KCNH8: variants seen among roughly 807,000 people sequenced by gnomAD.
KCNH8 encodes the protein voltage-gated delayed rectifier potassium channel KCNH8.
A neutral mutation model predicts 103.6 loss-of-function variants in KCNH8; 70 were observed. The ratio of observed to expected loss-of-function variants is 0.68; its 90% CI spans 0.56 to 0.82. The LOEUF (loss-of-function observed/expected upper bound fraction) is 0.82, where lower values mean the gene tolerates loss of function less well. KCNH8 is among the 40% of genes least tolerant of loss of function. The pLI is 0.00. For synonymous variants in KCNH8, 498 were observed against 489.4 expected, an observed-to-expected ratio of 1.02 and a Z score of -0.23; for missense variants, 1,217 against 1,329.9, an observed-to-expected ratio of 0.92 and a Z score of 1.32.
chr3:19,244,392 T>C (rs916858730), intron 1 of KCNH8, among the ~76,000 whole-genome samples: 1 of 152,214 alleles, frequency 6.6e-6, no homozygotes, highest in African/African-American at 2.4e-5. Context: ...TGCATAGCAC[T>C]GTGGTGAACA....
chr3:19,414,666 G>T (rs550394056), intron 7 of KCNH8, among the ~76,000 whole-genome samples: 12 of 152,024 alleles, frequency 7.9e-5, no homozygotes, highest in Non-Finnish European at 1.6e-4. Flanking sequence ...CAAAATAATT[G>T]ATTTATATCA....
chr3:19,363,022 C>G (rs2125110747), intron 5 of KCNH8, among the ~76,000 whole-genome samples: 1 of 152,220 alleles, frequency 6.6e-6, no homozygotes, highest in Non-Finnish European at 1.5e-5. Context: ...AATAATCCAG[C>G]TAATCTTGGG....
At chr3:19,496,939 G>A (rs914761699) in intron 11 of KCNH8, among the ~76,000 whole-genome samples, 2 of 152,072 alleles carry the variant, frequency 1.3e-5, no homozygotes, top group Admixed American at 1.3e-4. Flanking sequence ...ATGTGTCCAG[G>A]AATTTATCAG....
At chr3:19,202,163 C>T (rs1017887525) in intron 1 of KCNH8, among the ~76,000 whole-genome samples, 5 of 152,102 alleles carry the variant, frequency 3.3e-5, no homozygotes, top group South Asian at 2.1e-4. Context: ...GGAGGGTAAT[C>T]ATATGTCCTG....
intron 1 of KCNH8, among the ~76,000 whole-genome samples, chr3:19,166,895 C>A (rs2063290970): frequency 6.6e-6 from 1 of 152,158 alleles, no homozygotes; most frequent in South Asian, 2.1e-4. Flanking sequence ...CCCAAGGTGA[C>A]AAGGCCACTA....
intron 1 of KCNH8, among the ~76,000 whole-genome samples, chr3:19,230,797 G>C (rs2125237836): frequency 6.6e-6 from 1 of 152,290 alleles, no homozygotes; most frequent in African/African-American, 2.4e-5. Context: ...TCTTTCATAA[G>C]GTTCCATTCC....
chr3:19,156,057 C>T (rs1161492277), intron 1 of KCNH8, among the ~76,000 whole-genome samples: 1 of 152,118 alleles, frequency 6.6e-6, no homozygotes, highest in Non-Finnish European at 1.5e-5. Flanking sequence ...TTCACTATTG[C>T]ATGATTACCT....
In KCNH8 at chr3:19,354,939, T is replaced by C. The variant is rs186973112; in HGVS notation, c.811+6974T>C. On this transcript the variant is annotated intron_variant, in intron 5 of 15. Transcript: ENST00000328405. Reference sequence around the variant, plus strand: ...CAAAAGAAACTACCATCAGAGTGAATAGGCAACCTACAGAATGGGAGAAAG... The same window carrying C: ...CAAAAGAAACTACCATCAGAGTGAACAGGCAACCTACAGAATGGGAGAAAG... Among the ~76,000 whole-genome samples the C allele has an allele frequency of 8.8e-4, 134 of 152,144 alleles. No homozygotes were observed. In the East Asian group the frequency reaches 0.011, roughly 13 times the overall value.
intron 1 of KCNH8, among the ~76,000 whole-genome samples, chr3:19,246,285 T>G (rs980647226): frequency 4.2e-5 from 6 of 143,672 alleles, no homozygotes; most frequent in African/African-American, 1.0e-4. Flanking sequence ...TTTTTTTTTT[T>G]TTTTTTTTTT....
intron 3 of KCNH8, among the ~76,000 whole-genome samples, chr3:19,310,794 G>A (rs766323992): frequency 6.6e-6 from 1 of 151,704 alleles, no homozygotes; most frequent in Non-Finnish European, 1.5e-5. Flanking sequence ...AAATAAAACA[G>A]GAGATTATAA....
chr3:19,173,494 A>T (rs1209305052), intron 1 of KCNH8, among the ~76,000 whole-genome samples: 2 of 152,182 alleles, frequency 1.3e-5, no homozygotes, highest in African/African-American at 4.8e-5. Flanking sequence ...TTTTCTTTAT[A>T]ATTAAAATTT....
chr3:19,289,946 T>C (rs2064893980), intron 3 of KCNH8, among the ~76,000 whole-genome samples: 1 of 152,200 alleles, frequency 6.6e-6, no homozygotes, highest in African/African-American at 2.4e-5. Flanking sequence ...TAGTTCTCCT[T>C]GAAGAGGTCC....
At chr3:19,216,978 G>A (rs953426950) in intron 1 of KCNH8, among the ~76,000 whole-genome samples, 1 of 152,136 alleles carries the variant, frequency 6.6e-6, no homozygotes, top group Admixed American at 6.5e-5. Flanking sequence ...CATTTTAGCT[G>A]GTGTGAAGGT....
At chr3:19,341,883 C>T (rs1401775553) in intron 3 of KCNH8, among the ~76,000 whole-genome samples, 1 of 151,862 alleles carries the variant, frequency 6.6e-6, no homozygotes, top group Non-Finnish European at 1.5e-5. Context: ...ATATGTATAC[C>T]AAAATTTACA....
chr3:19,334,221 G>A lies in KCNH8; in HGVS notation c.443-8366G>A, dbSNP rs116108292. 6.2e-3 allele frequency among the ~76,000 whole-genome samples: 947 copies of A among 152,264 alleles called. 7 individuals are homozygous for A. The highest frequency in any genetic ancestry group is 0.021 in the African/African-American group (881 of 41,558). The stretch of plus-strand genomic sequence containing the variant: ...TGAGGCCTAAGAGGTGATGGTTCTG[G>A]ACAGGTACACTCGCAGCAGCTATAG... On this transcript the variant is annotated intron_variant, in intron 3 of 15. Transcript: ENST00000328405.
intron 5 of KCNH8, among the ~76,000 whole-genome samples, chr3:19,371,304 A>G (rs2125116291): frequency 6.6e-6 from 1 of 151,746 alleles, no homozygotes; most frequent in African/African-American, 2.4e-5. Context: ...TTGCCATTCT[A>G]ACTGGTGTGA....
chr3:19,273,925 C>A (rs2064626260), intron 2 of KCNH8, among the ~76,000 whole-genome samples: 1 of 152,052 alleles, frequency 6.6e-6, no homozygotes, highest in South Asian at 2.1e-4. Flanking sequence ...ACTCTTATTC[C>A]TGGTTTGAGA....
At chr3:19,267,799 CA>C (rs1441533765) in intron 2 of KCNH8, among the ~76,000 whole-genome samples, 2 of 152,088 alleles carry the variant, frequency 1.3e-5, no homozygotes, top group Non-Finnish European at 2.9e-5. Flanking sequence ...TCTACCAGAC[CA>C]AAAGGCTTCT....
At chr3:19,483,499 C>A (rs2068133421) in intron 11 of KCNH8, among the ~76,000 whole-genome samples, 2 of 152,064 alleles carry the variant, frequency 1.3e-5, no homozygotes, top group South Asian at 4.1e-4. Flanking sequence ...TCATCAGGAA[C>A]TGGGTCTGTA....
Sources: allele counts gnomAD v4.1 joint callset (sites outside exome capture counted in the v4.1 genomes callset), GRCh38; gene constraint gnomAD v4.1.1; transcripts MANE v1.5; gene names NCBI Gene and HGNC (gene_info 2026-07-23, HGNC 2026-07-21).